ZBED1: variants seen among roughly 807,000 people sequenced by gnomAD.
ZBED1 encodes the protein E3 SUMO-protein ligase ZBED1.
Under a neutral mutation model 49.7 loss-of-function variants are expected in ZBED1, and 19 were observed. The observed-to-expected ratio is 0.38, with a 90% CI of 0.27 to 0.56. The LOEUF (loss-of-function observed/expected upper bound fraction) is 0.56. ZBED1 is among the 20% of genes least tolerant of loss of function. The pLI, the probability that ZBED1 is intolerant of heterozygous loss-of-function variation, is 0.70. For synonymous variants in ZBED1, 439 were observed against 440.3 expected, an observed-to-expected ratio of 1.00 and a Z score of 0.04; for missense variants, 806 against 972.6, an observed-to-expected ratio of 0.83 and a Z score of 2.28.
At position 2,489,186 on chromosome X, in the gene ZBED1, C is replaced by A; in HGVS notation, c.1534G>T (p.Gly512Cys). The stretch of plus-strand genomic sequence containing the variant: ...ATCTTGTCCTCAGCCGGCCGGTAGC[C>A]GCCGTCTTTGACCTTGTCCAGCAGG... Reference protein sequence around the residue: ...KGLLDKVKDGGYRPAEDKIFP... With the variant: ...KGLLDKVKDGCYRPAEDKIFP... Residue 512 changes from glycine (G) to cysteine (C), a missense_variant, in exon 2 of 2, where the codon GGC becomes TGC. Gly to Cys is a radical substitution (Grantham distance 159). Transcript: ENST00000652001. 6.2e-7 allele frequency: 1 copy of A among 1,613,690 alleles called. No individual in the cohort carries two copies. Among genetic ancestry groups the A allele is most frequent in the African/African-American group, 1.3e-5 (1 of 75,056 alleles).
At chrX:2,491,317 G>A (rs563222020) in intron 1 of ZBED1, among the ~76,000 whole-genome samples, 7 of 152,210 alleles carry the variant, frequency 4.6e-5, no homozygotes, top group East Asian at 1.9e-4. Flanking sequence ...TGATCCACCC[G>A]CCTTGGCCTC....
intron 1 of ZBED1, among the ~76,000 whole-genome samples, chrX:2,490,998 C>T (rs1312279581): frequency 2.0e-5 from 3 of 151,748 alleles, no homozygotes; most frequent in Non-Finnish European, 4.4e-5. Flanking sequence ...CGATGCCGCA[C>T]GTGTCAACAT....
chrX:2,496,123 G>A (rs1257135235), intron 1 of ZBED1, among the ~76,000 whole-genome samples: 1 of 152,218 alleles, frequency 6.6e-6, no homozygotes, highest in Non-Finnish European at 1.5e-5. Flanking sequence ...ACTGCACAGC[G>A]TGGTGGCGAT....
At chrX:2,496,133 T>C (rs1346332628) in intron 1 of ZBED1, among the ~76,000 whole-genome samples, 1 of 152,244 alleles carries the variant, frequency 6.6e-6, no homozygotes, top group Non-Finnish European at 1.5e-5. Context: ...GTGGTGGCGA[T>C]AGTTAATAGT....
chrX:2,490,042 C>T lies in ZBED1; in HGVS notation c.678G>A (p.Leu226=). The change falls in exon 2 of 2, where the codon CTG becomes CTA. Residue 226 remains leucine (L), a synonymous_variant. Transcript: ENST00000652001. ...TCTTCAGGCAGCGGGAGCCCATGGA[C>T]AGGCAGTTGGGGGCGCCCAGGCCCA... ...HFLGLGAPNC[L]SMGSRCLKTF... 1.9e-6 allele frequency: 3 copies of T among 1,613,798 alleles called. No homozygotes were observed. Among genetic ancestry groups the T allele is most frequent in the Non-Finnish European group, 2.5e-6 (3 of 1,179,872 alleles).
Position 2,489,805 on chromosome X carries a change from G to T in ZBED1, c.915C>A (p.Leu305=), listed in dbSNP as rs140685786. The T allele has an allele frequency of 2.3e-3, 3,702 of 1,613,538 alleles. 60 individuals carry two copies. In the African/African-American group the frequency reaches 0.042, roughly 18 times the overall value. ...FNAGIQQAFQ[L]PKLGALLSRC... ...GCGACAGCAGCGCCCCCAGCTTCGG[G>T]AGCTGGAAGGCCTGCTGGATGCCGG... Residue 305 remains leucine (L), a synonymous_variant, in exon 2 of 2, where the codon CTC becomes CTA. Coordinates refer to ENST00000652001, the MANE Select transcript of ZBED1 (RefSeq NM_001171136.2).
At chrX:2,498,201 G>A (rs937110358) in intron 1 of ZBED1, among the ~76,000 whole-genome samples, 1 of 152,208 alleles carries the variant, frequency 6.6e-6, no homozygotes, top group Admixed American at 6.6e-5. Flanking sequence ...TCCTTTGTAC[G>A]ATACCTAAGA....
chrX:2,498,042 C>T (rs1262957197), intron 1 of ZBED1, among the ~76,000 whole-genome samples: 1 of 152,206 alleles, frequency 6.6e-6, no homozygotes, highest in Non-Finnish European at 1.5e-5. Context: ...TCTGTAAAGG[C>T]ATGACCAACA....
At chrX:2,499,428 C>T (rs1007787907) in intron 1 of ZBED1, among the ~76,000 whole-genome samples, 1 of 151,276 alleles carries the variant, frequency 6.6e-6, no homozygotes, top group African/African-American at 2.4e-5. Flanking sequence ...AATTAACATT[C>T]CCTTTATTCC....
chrX:2,497,135 C>G (rs1333002722), intron 1 of ZBED1, among the ~76,000 whole-genome samples: 1 of 152,104 alleles, frequency 6.6e-6, no homozygotes, highest in Non-Finnish European at 1.5e-5. Context: ...GGGGCTCACC[C>G]CTGTAATCCC....
intron 1 of ZBED1, chrX:2,500,312 C>T: frequency 5.3e-6 from 1 of 188,720 alleles, no homozygotes; most frequent in East Asian, 1.3e-4. Context: ...CTCACTTACC[C>T]TGGGGTGGGT....
At chrX:2,494,485 C>T (rs1165710578) in intron 1 of ZBED1, among the ~76,000 whole-genome samples, 2 of 151,584 alleles carry the variant, frequency 1.3e-5, no homozygotes, top group African/African-American at 4.9e-5. Context: ...AGAAAGGTGC[C>T]AGGACCTGTA....
At chrX:2,500,266 C>A in intron 1 of ZBED1, 1 of 166,818 alleles carries the variant, frequency 6.0e-6, no homozygotes, top group Non-Finnish European at 1.3e-5. Flanking sequence ...CGCCTCTGGG[C>A]CCCCTCTGGA....
chrX:2,490,120 C>T lies in ZBED1; in HGVS notation c.600G>A (p.Met200Ile), dbSNP rs765647400. The change falls in exon 2 of 2, where the codon ATG becomes ATA. Residue 200 changes from methionine (M) to isoleucine (I), a missense_variant. Physicochemically the swap from Met to Ile is conservative, Grantham distance 10. Coordinates refer to ENST00000652001, the MANE Select transcript of ZBED1 (RefSeq NM_001171136.2). The part of the protein sequence containing the change: ...EATWCGISTD[M>I]WRSENQNRAY... ...CGCGGTTCTGATTCTCACTCCTCCA[C>T]ATGTCGGTGGAGATGCCACACCAGG... 5.5e-5 allele frequency: 88 copies of T among 1,613,966 alleles called. 1 individual carries two copies. In the South Asian group the frequency reaches 9.3e-4, roughly 17 times the overall value.
chrX:2,489,350 T>C lies in ZBED1; in HGVS notation c.1370A>G (p.Lys457Arg), dbSNP rs1231814120. 3 of 1,613,242 alleles carry C rather than the reference T, an allele frequency of 1.9e-6. No individual in the cohort carries two copies. The highest frequency in any genetic ancestry group is 1.3e-5 in the African/African-American group (1 of 74,750). ...AKEVIAKELS[K>R]TYQETPEIDM... ...GATCTCGGGCGTCTCCTGGTAGGTC[T>C]TGGAAAGCTCCTTGGCGATGACCTC... Residue 457 changes from lysine to arginine, a missense_variant, in exon 2 of 2, where the codon AAG (lysine) becomes AGG (arginine). Lys to Arg is a conservative substitution (Grantham distance 26, BLOSUM62 2). Coordinates refer to ENST00000652001, the MANE Select transcript of ZBED1 (RefSeq NM_001171136.2).
At chrX:2,500,408 C>T in intron 1 of ZBED1, 2 of 170,610 alleles carry the variant, frequency 1.2e-5, no homozygotes, top group South Asian at 9.5e-5. Context: ...AGGCGGCAGG[C>T]AGAGCCGCCT....
intron 1 of ZBED1, among the ~76,000 whole-genome samples, chrX:2,491,490 A>G (rs1335462716): frequency 6.6e-6 from 1 of 152,150 alleles, no homozygotes; most frequent in Admixed American, 6.5e-5. Context: ...AGAAGAATCC[A>G]CAAGTGGCCA....
In ZBED1 at chrX:2,490,902, A is replaced by C; in HGVS notation, c.-53-130T>G. 6.5e-6 allele frequency: 5 copies of C among 774,390 alleles called. No homozygotes were observed. The African/African-American group carries it at 7.0e-5, about 11-fold the overall frequency. 48.0% of individuals were successfully genotyped at this position (774,390 alleles called of 1,614,324 possible). ...AAGGGCACTGGGGCCGGACGGCTGG[A>C]CCTTCCTTGCGGGTCACTTTTGCAG... On this transcript the variant is annotated intron_variant, in intron 1 of 1. Transcript: ENST00000652001.
intron 1 of ZBED1, among the ~76,000 whole-genome samples, chrX:2,497,779 A>G (rs927065252): frequency 2.0e-5 from 3 of 152,236 alleles, no homozygotes; most frequent in Non-Finnish European, 2.9e-5. Flanking sequence ...TGTAATTTCT[A>G]AACAGATCAC....
Sources: allele counts gnomAD v4.1 joint callset (sites outside exome capture counted in the v4.1 genomes callset), GRCh38; gene constraint gnomAD v4.1.1; transcripts MANE v1.5; gene names NCBI Gene and HGNC (gene_info 2026-07-23, HGNC 2026-07-21).